Variants in KLHDC1 observed in about 807,000 individuals in gnomAD.
KLHDC1 encodes kelch domain-containing protein 1.
In KLHDC1, 53 loss-of-function variants were observed where a neutral mutation model predicts 68.3. The observed-to-expected ratio is 0.78, with a 90% CI of 0.62 to 0.98. KLHDC1 has a LOEUF of 0.98. Ranked by LOEUF, KLHDC1 falls within the 50% of genes least tolerant of loss-of-function variation. KLHDC1 has a pLI of 0.00. For synonymous variants in KLHDC1, 148 were observed against 159.0 expected, an observed-to-expected ratio of 0.93 and a Z score of 0.52; for missense variants, 470 against 492.3, an observed-to-expected ratio of 0.95 and a Z score of 0.43.
intron 4 of KLHDC1, among the ~76,000 whole-genome samples, chr14:49,713,802 A>G (rs1888272762): frequency 3.2e-4 from 1 of 3,146 alleles, no homozygotes; most frequent in East Asian, 0.036. Context: ...CAGGAGGTAT[A>G]TATATATATA....
intron 4 of KLHDC1, among the ~76,000 whole-genome samples, chr14:49,711,455 G>T (rs1453267937): frequency 6.6e-6 from 1 of 151,928 alleles, no homozygotes; most frequent in Non-Finnish European, 1.5e-5. Context: ...CGCCCGCCTC[G>T]GCCTCCCAAA....
At position 49,744,561 on chromosome 14, in the gene KLHDC1, T is replaced by C. The variant is rs1889154317; in HGVS notation, c.1034+756T>C. Among the ~76,000 whole-genome samples the C allele has an allele frequency of 2.0e-5, 3 of 152,250 alleles. No individual in the cohort carries two copies. The East Asian group carries it at 5.8e-4, about 29-fold the overall frequency. ...CCACTTGGATACCAAAATTCATGGA[T>C]GCTCAAGTCTCTTATATAGGGTGAT... is the stretch of plus-strand genomic sequence containing the variant. On this transcript the variant is annotated intron_variant, in intron 12 of 12. Transcript: ENST00000359332.
rs748526529 is a variant in KLHDC1, at chr14:49,693,225, G to A, written c.31G>A (p.Glu11Lys). The A allele has an allele frequency of 6.3e-7, 1 of 1,576,446 alleles. No homozygotes were observed. Among genetic ancestry groups the A allele is most frequent in the Middle Eastern group, 1.7e-4 (1 of 5,968 alleles). The change falls in exon 1 of 13, where the codon GAG (glutamate) becomes AAG (lysine). Residue 11 changes from glutamate to lysine, a missense_variant. Physicochemically the swap from Glu to Lys is moderately conservative, Grantham distance 56. Transcript: ENST00000359332. MADSQLFCVAEERSGHCAVVD... is the reference protein window; with the variant it reads MADSQLFCVAKERSGHCAVVD... ...GGACTCTCAGCTGTTCTGTGTGGCG[G>A]AGGAACGCAGCGGCCACTGCGCCGT...
chr14:49,723,900 G>A lies in KLHDC1; in HGVS notation c.431G>A (p.Cys144Tyr), dbSNP rs776006467. The part of the protein sequence containing the change: ...DRLIYFGGYG[C>Y]RRHSELQDCF... ...CTAATATATTTTGGTGGTTATGGGT[G>A]TAGGAGACACAGTGAACTCCAAGAC... The change falls in exon 5 of 13, where the codon TGT becomes TAT. Residue 144 changes from cysteine to tyrosine, a missense_variant. Coordinates refer to ENST00000359332, the MANE Select transcript of KLHDC1 (RefSeq NM_172193.3). 1.9e-6 allele frequency: 3 copies of A among 1,602,162 alleles called. No individual in the cohort carries two copies. Among genetic ancestry groups the A allele is most frequent in the South Asian group, 1.1e-5 (1 of 89,964 alleles).
chr14:49,752,981 T>C lies in KLHDC1; in HGVS notation c.*1209T>C, dbSNP rs1283420902. The C allele has an allele frequency of 6.6e-6, 1 of 152,014 alleles. No homozygotes were observed. The highest frequency in any genetic ancestry group is 1.9e-4 in the East Asian group (1 of 5,202). 9.4% of individuals were successfully genotyped at this position (152,014 alleles called of 1,614,324 possible). On this transcript the variant is annotated 3_prime_UTR_variant, in exon 13 of 13. Transcript: ENST00000359332. ...GAAAATTATAGTAGTTTGTAGTATT[T>C]CATTGAATTTTAGAGAGATATTTCA...
At chr14:49,700,030 C>A (rs1031406233) in intron 1 of KLHDC1, 1 of 309,228 alleles carries the variant, frequency 3.2e-6, no homozygotes, top group Non-Finnish European at 6.1e-6. Context: ...TGCTGTGAAC[C>A]TTTTTTTTTT....
At chr14:49,723,113 AAGAAG>A (rs1888576868) in intron 4 of KLHDC1, among the ~76,000 whole-genome samples, 1 of 130,398 alleles carries the variant, frequency 7.7e-6, no homozygotes, top group East Asian at 2.2e-4. Flanking sequence ...AAAAAAAAAA[AAGAAG>A]AGAAAACCAT....
chr14:49,732,433 A>G (rs1249707992), intron 8 of KLHDC1, among the ~76,000 whole-genome samples: 1 of 152,188 alleles, frequency 6.6e-6, no homozygotes, highest in Non-Finnish European at 1.5e-5. Context: ...TTGACCTCCC[A>G]AAGTGTTGGA....
At chr14:49,711,809 G>A (rs1374783977) in intron 4 of KLHDC1, among the ~76,000 whole-genome samples, 2 of 150,096 alleles carry the variant, frequency 1.3e-5, no homozygotes, top group Non-Finnish European at 3.0e-5. Flanking sequence ...TTTCAGATTT[G>A]CTTGTTTGTC....
intron 6 of KLHDC1, among the ~76,000 whole-genome samples, 161 bp downstream of exon 6, chr14:49,725,930 C>G (rs1328673432): frequency 1.3e-5 from 2 of 152,130 alleles, no homozygotes; most frequent in Non-Finnish European, 2.9e-5. Flanking sequence ...TCACTGCAAC[C>G]TCCGCCTCCC....
At chr14:49,747,074 G>A (rs1465540751) in intron 12 of KLHDC1, among the ~76,000 whole-genome samples, 1 of 151,580 alleles carries the variant, frequency 6.6e-6, no homozygotes, top group East Asian at 1.9e-4. Flanking sequence ...AGCCTCCCGA[G>A]TAGCTGGGAC....
At chr14:49,729,683 TATAG>T in intron 8 of KLHDC1, 135 bp downstream of exon 8, 1 of 587,954 alleles carries the variant, frequency 1.7e-6, no homozygotes, top group East Asian at 3.0e-5. Flanking sequence ...GCAAGGACTA[TATAG>T]ATTTAAATAG....
Position 49,700,160 on chromosome 14 carries a change from G to C in KLHDC1, c.96+6870G>C, listed in dbSNP as rs1310507712. 1.8e-5 allele frequency: 4 copies of C among 219,834 alleles called. No homozygotes were observed. The East Asian group carries it at 6.8e-4, about 37-fold the overall frequency. The allele number at this position is 219,834 out of a possible 1,614,324, so 13.6% of individuals were successfully genotyped here. ...TCCTGCCTCAGCCTCCCGAGTAGCT[G>C]GGACTACAGGTGCTTCCCACCATGC... is the stretch of plus-strand genomic sequence containing the variant. On this transcript the variant is annotated intron_variant, in intron 1 of 12. Transcript: ENST00000359332.
At chr14:49,729,102 A>T in intron 7 of KLHDC1, 93 bp downstream of exon 7, 1 of 848,482 alleles carries the variant, frequency 1.2e-6, no homozygotes, top group Non-Finnish European at 2.0e-6. Context: ...ACATTCATGT[A>T]ATCTAGAGAT....
intron 1 of KLHDC1, among the ~76,000 whole-genome samples, chr14:49,700,728 A>G (rs1268207092): frequency 6.6e-6 from 1 of 152,254 alleles, no homozygotes; most frequent in East Asian, 1.9e-4. Context: ...ACATGTCACA[A>G]TACCATAATA....
rs781537382 is a variant in KLHDC1, at chr14:49,751,776, G to C, written c.*4G>C. 6.9e-7 allele frequency: 1 copy of C among 1,453,824 alleles called. No homozygotes were observed. Among genetic ancestry groups the C allele is most frequent in the Admixed American group, 2.0e-5 (1 of 50,994 alleles). The allele number at this position is 1,453,824 out of a possible 1,614,324, so 90.1% of individuals were successfully genotyped here. On this transcript the variant is annotated 3_prime_UTR_variant, in exon 13 of 13. Coordinates refer to ENST00000359332, the MANE Select transcript of KLHDC1 (RefSeq NM_172193.3). The stretch of plus-strand genomic sequence containing the variant: ...TCAGTGGATCAGTAGCAATTAAATT[G>C]TTATATACTTTACATATTTAGTATG...
At chr14:49,693,748 C>CTTTTTTTTTCTTTTTTTTTTTTTTTT in intron 1 of KLHDC1, among the ~76,000 whole-genome samples, 1 of 61,540 alleles carries the variant, frequency 1.6e-5, no homozygotes, top group Non-Finnish European at 3.4e-5. Context: ...TTTTCTTTTT[C>CTTTTTTTTTCTTTTTTTTTTTTTTTT]TTTTTTTTTT....
chr14:49,750,639 A>T (rs529346119), intron 12 of KLHDC1, among the ~76,000 whole-genome samples: 11 of 152,324 alleles, frequency 7.2e-5, no homozygotes, highest in South Asian at 2.1e-4. Flanking sequence ...TGTTAAAAAA[A>T]TTTTTAACAC....
intron 1 of KLHDC1, among the ~76,000 whole-genome samples, chr14:49,701,661 AAAAAAC>A (rs1224450566): frequency 1.3e-5 from 2 of 152,154 alleles, no homozygotes; most frequent in African/African-American, 2.4e-5. Flanking sequence ...CTCCGTATCA[AAAAAAC>A]AAAAACAAAA....
Sources: allele counts gnomAD v4.1 joint callset (sites outside exome capture counted in the v4.1 genomes callset), GRCh38; gene constraint gnomAD v4.1.1; transcripts MANE v1.5; gene names NCBI Gene and HGNC (gene_info 2026-07-23, HGNC 2026-07-21).